Variants in CNTNAP5 observed in about 807,000 individuals in gnomAD.
The protein encoded by CNTNAP5 is contactin associated protein family member 5.
CNTNAP5 carries 72 observed loss-of-function variants against 150.2 expected under a neutral mutation model. The ratio of observed to expected loss-of-function variants is 0.48; its 90% CI spans 0.40 to 0.58. The LOEUF (loss-of-function observed/expected upper bound fraction) is 0.58, where lower values mean the gene tolerates loss of function less well. Among genes scored for constraint, CNTNAP5 ranks in the 20% least tolerant of loss-of-function variants. The pLI is 0.00. For synonymous variants in CNTNAP5, 672 were observed against 619.8 expected (o/e 1.08, Z -1.25); for missense variants, 1,636 against 1,626.2 (o/e 1.01, Z -0.10).
intron 8 of CNTNAP5, among the ~76,000 whole-genome samples, chr2:124,514,563 C>T (rs1694662880): frequency 6.6e-6 from 1 of 152,122 alleles, no homozygotes; most frequent in South Asian, 2.1e-4. Flanking sequence ...GAAGGAGGCA[C>T]TGCCTTCCAG....
intron 1 of CNTNAP5, among the ~76,000 whole-genome samples, chr2:124,166,606 G>T (rs1477076954): frequency 6.6e-6 from 1 of 152,076 alleles, no homozygotes; most frequent in African/African-American, 2.4e-5. Flanking sequence ...CTTAATGGTG[G>T]TGGCAGCTCT....
Position 124,198,759 on chromosome 2 carries a change from G to GT in CNTNAP5, c.83-22936dup, listed in dbSNP as rs879935507. Among the ~76,000 whole-genome samples, 417 of 144,358 alleles carry GT rather than the reference G, an allele frequency of 2.9e-3. 1 individual carries two copies. The highest frequency in any genetic ancestry group is 3.8e-3 in the Non-Finnish European group (245 of 65,302). The allele number at this position is 144,358 out of a possible 152,430, so 94.7% of individuals were successfully genotyped here. On this transcript the variant is annotated intron_variant, in intron 1 of 23. Transcript: ENST00000682447. ...AGACATTGTCTTACATATTTTTTAGGTTTTTTTTTTCAGTTTTCCCTTTTA... is the reference window on the plus strand; with the variant it reads ...AGACATTGTCTTACATATTTTTTAGGTTTTTTTTTTTCAGTTTTCCCTTTTA...
chr2:124,859,317 A>G (rs1159573870), intron 19 of CNTNAP5, among the ~76,000 whole-genome samples: 3 of 152,220 alleles, frequency 2.0e-5, no homozygotes, highest in South Asian at 4.1e-4. Context: ...AATGCTCACC[A>G]TCACTGGCCA....
At chr2:124,451,077 T>TATATACACAC (rs755084840) in intron 6 of CNTNAP5, among the ~76,000 whole-genome samples, 6 of 61,528 alleles carry the variant, frequency 9.8e-5, no homozygotes, top group East Asian at 6.2e-4. Context: ...TATATATATA[T>TATATACACAC]ACACACACAC....
chr2:124,519,963 C>G (rs957506359), intron 8 of CNTNAP5, among the ~76,000 whole-genome samples: 1 of 152,110 alleles, frequency 6.6e-6, no homozygotes, highest in Non-Finnish European at 1.5e-5. Context: ...AGTTTTCTGT[C>G]TTTTATTTCA....
chr2:124,203,219 T>C (rs892264076), intron 1 of CNTNAP5, among the ~76,000 whole-genome samples: 1 of 152,148 alleles, frequency 6.6e-6, no homozygotes, highest in African/African-American at 2.4e-5. Context: ...ATCGTAAAAC[T>C]TCAAAATGAT....
intron 21 of CNTNAP5, among the ~76,000 whole-genome samples, chr2:124,876,964 A>G (rs1233232898): frequency 6.6e-6 from 1 of 152,130 alleles, no homozygotes; most frequent in East Asian, 1.9e-4. Flanking sequence ...CCAAACACGC[A>G]TGTCTTATAT....
intron 1 of CNTNAP5, among the ~76,000 whole-genome samples, chr2:124,170,644 G>A (rs535116774): frequency 2.0e-5 from 3 of 152,314 alleles, no homozygotes; most frequent in Admixed American, 2.0e-4. Flanking sequence ...GTGTGATAGA[G>A]ACAGCCAAGG....
At position 124,763,761 on chromosome 2, in the gene CNTNAP5, C is replaced by T. The variant is rs747939728; in HGVS notation, c.2324C>T (p.Ala775Val). 2.5e-6 allele frequency: 4 copies of T among 1,613,096 alleles called. No individual in the cohort carries two copies. Among genetic ancestry groups the T allele is most frequent in the Non-Finnish European group, 3.4e-6 (4 of 1,179,432 alleles). The change falls in exon 15 of 24, where the codon GCC (alanine) becomes GTC (valine). Residue 775 changes from alanine to valine, a missense_variant. Coordinates refer to ENST00000682447, the MANE Select transcript of CNTNAP5 (RefSeq NM_001367498.1). ...ITDTDRSNSEAAWRIGPLRCY... is the reference protein window; with the variant it reads ...ITDTDRSNSEVAWRIGPLRCY... Reference sequence around the variant, plus strand: ...GATACCGACAGATCAAACTCAGAAGCCGCTTGGAGAATTGGTCCCTTGCGT... The same window carrying T: ...GATACCGACAGATCAAACTCAGAAGTCGCTTGGAGAATTGGTCCCTTGCGT...
intron 3 of CNTNAP5, among the ~76,000 whole-genome samples, chr2:124,287,528 G>A (rs537054899): frequency 2.2e-4 from 33 of 152,184 alleles, no homozygotes; most frequent in Admixed American, 3.9e-4. Flanking sequence ...TAGACCATCC[G>A]TATGTTTAAA....
At chr2:124,705,509 C>CAGAG (rs34819347) in intron 13 of CNTNAP5, among the ~76,000 whole-genome samples, 1 of 151,648 alleles carries the variant, frequency 6.6e-6, no homozygotes, top group Non-Finnish European at 1.5e-5. Flanking sequence ...GCCTGAGTGA[C>CAGAG]AGAGAGAGAC....
chr2:124,482,173 A>T (rs1693775943), intron 7 of CNTNAP5, among the ~76,000 whole-genome samples: 1 of 152,154 alleles, frequency 6.6e-6, no homozygotes, highest in Admixed American at 6.5e-5. Context: ...CCACTCCCCC[A>T]TTCGAAGATC....
chr2:124,137,883 CA>C (rs140256404), intron 1 of CNTNAP5, among the ~76,000 whole-genome samples: 1,999 of 152,056 alleles, frequency 0.013, 44 homozygotes, highest in African/African-American at 0.046. Context: ...GAGGAGGTTC[CA>C]GGTTCTAAAT....
At chr2:124,883,300 A>G (rs903145666) in intron 21 of CNTNAP5, among the ~76,000 whole-genome samples, 8 of 151,822 alleles carry the variant, frequency 5.3e-5, no homozygotes, top group South Asian at 2.1e-4. Context: ...GGGCTCAAGC[A>G]ATCTATGTGT....
chr2:124,427,962 C>T (rs982248621), intron 4 of CNTNAP5, among the ~76,000 whole-genome samples: 1 of 152,146 alleles, frequency 6.6e-6, no homozygotes, highest in Non-Finnish European at 1.5e-5. Flanking sequence ...CTTAGGTCTG[C>T]AGTGAGGTCT....
intron 19 of CNTNAP5, among the ~76,000 whole-genome samples, chr2:124,816,566 C>T: frequency 6.8e-6 from 1 of 147,250 alleles, no homozygotes; most frequent in African/African-American, 2.5e-5. Context: ...CAACCTCCAT[C>T]TCTGGGGTTC....
chr2:124,118,039 T>C (rs1197039698), intron 1 of CNTNAP5, among the ~76,000 whole-genome samples: 1 of 152,198 alleles, frequency 6.6e-6, no homozygotes. Flanking sequence ...AGGGAATTCT[T>C]ACATGCAGTA....
Position 124,609,929 on chromosome 2 carries a change from G to A in CNTNAP5, c.1876+9G>A. 6.2e-7 allele frequency: 1 copy of A among 1,610,354 alleles called. No individual in the cohort carries two copies. ...GTACTGCAATATCACTGGTAAGGGT[G>A]CAGTAGCCCTACTCACACTTAACCA... On this transcript the variant is annotated intron_variant, in intron 12 of 23. Coordinates refer to ENST00000682447, the MANE Select transcript of CNTNAP5 (RefSeq NM_001367498.1).
chr2:124,361,839 A>C (rs550831335), intron 3 of CNTNAP5, among the ~76,000 whole-genome samples: 3 of 152,126 alleles, frequency 2.0e-5, no homozygotes, highest in Non-Finnish European at 4.4e-5. Flanking sequence ...AGCTCCACCC[A>C]GTTCGAGCTT....
Sources: gnomAD v4.1 joint callset for allele counts (sites outside exome capture counted in the v4.1 genomes callset) on GRCh38, gnomAD v4.1.1 for gene constraint, MANE v1.5 for transcripts, NCBI Gene and HGNC (gene_info 2026-07-23, HGNC 2026-07-21) for gene names.